TUB: variants seen among roughly 807,000 people sequenced by gnomAD.
The protein encoded by TUB is TUB bipartite transcription factor.
In TUB, 33 loss-of-function variants were observed where a neutral mutation model predicts 59.7. The observed-to-expected ratio is 0.55, with a 90% confidence interval of 0.42 to 0.74. The LOEUF is 0.74. TUB is among the 30% of genes least tolerant of loss of function. The pLI, the probability that TUB is intolerant of heterozygous loss-of-function variation, is 0.00. For missense variants in TUB, 659 were observed against 672.0 expected (o/e 0.98, Z 0.21); for synonymous variants, 293 against 256.4 (o/e 1.14, Z -1.36).
At chr11:8,038,657 A>C in exon 1 of TUB, 1 of 1,335,746 alleles carries the variant, frequency 7.5e-7, no homozygotes, top group Non-Finnish European at 9.6e-7. Context: ...CTGGTCCTGA[A>C]GGGTTTGGGG....
chr11:8,069,547 T>C (rs1055553680), intron 2 of TUB, among the ~76,000 whole-genome samples: 1 of 152,200 alleles, frequency 6.6e-6, no homozygotes, highest in Non-Finnish European at 1.5e-5. Context: ...ATGTGTATTT[T>C]CCTATCTAAT....
upstream of TUB, among the ~76,000 whole-genome samples, chr11:8,034,967 C>T (rs1191895222): frequency 2.0e-5 from 3 of 152,224 alleles, no homozygotes; most frequent in African/African-American, 4.8e-5. Context: ...GTGAAGGGGA[C>T]AGATGGGAAC....
intron 1 of TUB, among the ~76,000 whole-genome samples, chr11:8,082,745 C>T (rs1177227038): frequency 6.6e-6 from 1 of 152,158 alleles, no homozygotes; most frequent in African/African-American, 2.4e-5. Context: ...CAGCTGAAAC[C>T]GCCCAAGGCT....
intron 2 of TUB, chr11:8,068,994 C>T (rs917042532): frequency 3.3e-5 from 5 of 152,166 alleles, no homozygotes; most frequent in Admixed American, 6.5e-5. Context: ...GCTGTAGAAA[C>T]CACAAATGGG....
At chr11:8,091,884 T>A (rs1354707909) in intron 3 of TUB, among the ~76,000 whole-genome samples, 1 of 152,192 alleles carries the variant, frequency 6.6e-6, no homozygotes, top group Non-Finnish European at 1.5e-5. Flanking sequence ...CTGGGTCATA[T>A]GGCGTGTGGC....
exon 1 of TUB, chr11:8,038,807 GC>G: frequency 6.4e-7 from 1 of 1,567,000 alleles, no homozygotes; most frequent in Non-Finnish European, 8.6e-7. Flanking sequence ...ATTTCAACAG[GC>G]TCCAGGTCTT....
At chr11:8,091,505 G>A (rs1222824524) in intron 3 of TUB, among the ~76,000 whole-genome samples, 1 of 152,184 alleles carries the variant, frequency 6.6e-6, no homozygotes, top group African/African-American at 2.4e-5. Flanking sequence ...GAGGGGCTCA[G>A]TGACCTGCTC....
chr11:8,038,810 C>T (rs1290165424), exon 1 of TUB: 1 of 1,579,688 alleles, frequency 6.3e-7, no homozygotes, highest in Non-Finnish European at 8.6e-7. Context: ...TCAACAGGCT[C>T]CAGGTCTTAC....
chr11:8,041,774 TCTC>T (rs1419541911), intron 2 of TUB, among the ~76,000 whole-genome samples: 1 of 152,302 alleles, frequency 6.6e-6, no homozygotes, highest in East Asian at 1.9e-4. Flanking sequence ...GGCCTCTTAG[TCTC>T]CTACCTCAAC....
intron 2 of TUB, among the ~76,000 whole-genome samples, chr11:8,051,000 G>A (rs969618594): frequency 1.3e-5 from 2 of 152,188 alleles, no homozygotes; most frequent in South Asian, 2.1e-4. Flanking sequence ...AGTAGCTAAC[G>A]GCCAGGACCA....
chr11:8,091,691 T>G (rs1943781307), intron 3 of TUB, among the ~76,000 whole-genome samples: 1 of 152,102 alleles, frequency 6.6e-6, no homozygotes, highest in Non-Finnish European at 1.5e-5. Flanking sequence ...GTACTCTACT[T>G]GAGAGGCCTT....
chr11:8,023,780 A>G (rs1564894372), intron 1 of TUB, among the ~76,000 whole-genome samples: 1 of 152,230 alleles, frequency 6.6e-6, no homozygotes, highest in South Asian at 2.1e-4. Context: ...GAAAAGATCT[A>G]TGTAAAATGA....
chr11:8,073,157 G>A (rs1943389085), intron 2 of TUB, among the ~76,000 whole-genome samples: 2 of 152,262 alleles, frequency 1.3e-5, no homozygotes, highest in South Asian at 4.1e-4. Flanking sequence ...TCAGAGTCTG[G>A]AAAACTCAGC....
intron 1 of TUB, chr11:8,039,552 G>A: frequency 3.5e-6 from 4 of 1,134,676 alleles, no homozygotes; most frequent in Non-Finnish European, 3.6e-6. Flanking sequence ...ACTGAAGGAG[G>A]CCTTGAGTGA....
At chr11:8,071,715 G>C (rs1470582944) in intron 2 of TUB, among the ~76,000 whole-genome samples, 2 of 152,222 alleles carry the variant, frequency 1.3e-5, no homozygotes, top group African/African-American at 4.8e-5. Flanking sequence ...GATATGGGGA[G>C]CCACAGCATG....
intron 1 of TUB, among the ~76,000 whole-genome samples, chr11:8,027,907 C>T (rs61879608): frequency 0.32 from 48,024 of 152,066 alleles, 8,034 homozygotes; most frequent in East Asian, 0.52. Context: ...CATTGGTGCG[C>T]GCATATCTAT....
At chr11:8,026,814 T>C (rs1262850418) in intron 1 of TUB, among the ~76,000 whole-genome samples, 1 of 152,194 alleles carries the variant, frequency 6.6e-6, no homozygotes, top group Non-Finnish European at 1.5e-5. Context: ...GGAATTTTGA[T>C]TGGGATTTTG....
intron 2 of TUB, among the ~76,000 whole-genome samples, chr11:8,064,035 A>G (rs139857087): frequency 1.8e-3 from 271 of 152,328 alleles, no homozygotes; most frequent in African/African-American, 6.4e-3. Flanking sequence ...GGGATATGGC[A>G]GGATCGGTTC....
chr11:8,101,057 G>C, intron 11 of TUB, 60 bp downstream of exon 11: 1 of 1,595,450 alleles, frequency 6.3e-7, no homozygotes, highest in Non-Finnish European at 8.6e-7. Flanking sequence ...CTTAGCGTAG[G>C]GTTCAGCCCA....
Sources: allele counts gnomAD v4.1 joint callset (sites outside exome capture counted in the v4.1 genomes callset), GRCh38; gene constraint gnomAD v4.1.1; transcripts MANE v1.5; gene names NCBI Gene and HGNC (gene_info 2026-07-23, HGNC 2026-07-21).